PARP16: variants seen among roughly 807,000 people sequenced by gnomAD.
PARP16 encodes the protein protein mono-ADP-ribosyltransferase PARP16.
In PARP16, 31 loss-of-function variants were observed where a neutral mutation model predicts 35.0. That is an observed-to-expected ratio of 0.88 (90% CI 0.66 to 1.19). PARP16 has a LOEUF of 1.19. Ranked by LOEUF, PARP16 falls within the 50% of genes most tolerant of loss-of-function variation. PARP16 has a pLI of 0.00. For synonymous variants in PARP16, 162 were observed against 169.5 expected (o/e 0.96, Z 0.34); for missense variants, 424 against 411.2 (o/e 1.03, Z -0.27).
At chr15:65,275,193 C>T (rs906577071) in intron 1 of PARP16, among the ~76,000 whole-genome samples, 3 of 151,224 alleles carry the variant, frequency 2.0e-5, no homozygotes, top group Non-Finnish European at 4.4e-5. Context: ...ACTCCTGTTG[C>T]GTAGGGGCTA....
At chr15:65,285,144 T>C (rs1244034931) in intron 1 of PARP16, among the ~76,000 whole-genome samples, 2 of 151,288 alleles carry the variant, frequency 1.3e-5, no homozygotes, top group Non-Finnish European at 2.9e-5. Context: ...CTCCAGGTTT[T>C]TTTTTTTTTT....
intron 2 of PARP16, among the ~76,000 whole-genome samples, chr15:65,269,957 A>C (rs750812534): frequency 5.3e-5 from 8 of 152,176 alleles, no homozygotes; most frequent in Non-Finnish European, 8.8e-5. Context: ...GGAATTAGCC[A>C]CCCAGCCTGG....
At chr15:65,284,043 GC>G (rs1230285892) in intron 1 of PARP16, among the ~76,000 whole-genome samples, 1 of 152,168 alleles carries the variant, frequency 6.6e-6, no homozygotes, top group African/African-American at 2.4e-5. Context: ...AAGAGGCTCA[GC>G]CTTTGTCCCT....
intron 3 of PARP16, 69 bp downstream of exon 3, chr15:65,266,493 C>G (rs1299903900): frequency 1.5e-6 from 2 of 1,327,728 alleles, no homozygotes; most frequent in African/African-American, 1.4e-5. Flanking sequence ...GGTTCTGAAT[C>G]TCCCCCTCCC....
chr15:65,253,131 C>T (rs1428662299), downstream of PARP16, among the ~76,000 whole-genome samples: 9 of 139,660 alleles, frequency 6.4e-5, no homozygotes, highest in Non-Finnish European at 1.1e-4. Context: ...GAAACTCCGT[C>T]TCAAAAAAAA....
intron 1 of PARP16, among the ~76,000 whole-genome samples, chr15:65,278,821 T>C (rs1201005016): frequency 6.6e-6 from 1 of 152,086 alleles, no homozygotes; most frequent in African/African-American, 2.4e-5. Flanking sequence ...TCACAGTTAC[T>C]AGATGTGGGT....
chr15:65,240,382 C>T (rs2089037188), intron 3 of PARP16, among the ~76,000 whole-genome samples: 2 of 145,552 alleles, frequency 1.4e-5, no homozygotes, highest in South Asian at 4.3e-4. Context: ...CAGGCGTGAG[C>T]CACAACGCCC....
downstream of PARP16, among the ~76,000 whole-genome samples, chr15:65,257,411 G>A (rs143191239): frequency 5.3e-4 from 80 of 151,260 alleles, no homozygotes; most frequent in African/African-American, 1.9e-3. Context: ...TCTAGCCTAG[G>A]TGACAGAGCG....
At chr15:65,262,414 G>A (rs1265949681) in intron 4 of PARP16, among the ~76,000 whole-genome samples, 1 of 152,174 alleles carries the variant, frequency 6.6e-6, no homozygotes, top group Non-Finnish European at 1.5e-5. Context: ...TTACAGGCGT[G>A]AGCCATACCG....
chr15:65,274,437 C>T (rs1401187874), intron 1 of PARP16, among the ~76,000 whole-genome samples: 3 of 151,910 alleles, frequency 2.0e-5, no homozygotes, highest in East Asian at 1.9e-4. Context: ...ATTATCCAGG[C>T]GTGGTGGTGT....
chr15:65,286,503 G>C lies in PARP16; in HGVS notation c.-77C>G. On this transcript the variant is annotated 5_prime_UTR_variant, in exon 1 of 6. Transcript: ENST00000649807. ...GAGCGTGCGTTCAGCGCGGGGGCTG[G>C]GCCCGCGGACAATGGGCCGTCAGGG... 8.4e-7 allele frequency: 1 copy of C among 1,191,940 alleles called. No individual in the cohort carries two copies. The highest frequency in any genetic ancestry group is 1.1e-6 in the Non-Finnish European group (1 of 902,528). The allele number at this position is 1,191,940 out of a possible 1,614,324, so 73.8% of individuals were successfully genotyped here. A position where few individuals can be genotyped will look rare whatever the true frequency, so the allele number is the denominator to read the frequency against.
intron 5 of PARP16, among the ~76,000 whole-genome samples, chr15:65,260,477 A>G (rs1278358109): frequency 6.6e-6 from 1 of 152,234 alleles, no homozygotes; most frequent in African/African-American, 2.4e-5. Context: ...TCAGTGGTTC[A>G]GCAGCCACTG....
At chr15:65,257,783 A>G (rs2089561133), downstream of PARP16, among the ~76,000 whole-genome samples, 1 of 152,148 alleles carries the variant, frequency 6.6e-6, no homozygotes, top group Non-Finnish European at 1.5e-5. Flanking sequence ...AAACTTTATA[A>G]TACCATAAAC....
intron 2 of PARP16, among the ~76,000 whole-genome samples, chr15:65,250,001 T>C (rs1417755602): frequency 6.6e-6 from 1 of 152,068 alleles, no homozygotes; most frequent in Admixed American, 6.6e-5. Flanking sequence ...GGGAACTCGT[T>C]TTCTATTCAC....
intron 3 of PARP16, among the ~76,000 whole-genome samples, chr15:65,240,328 GTGTGTGT>G (rs2089032854): frequency 7.4e-6 from 1 of 135,740 alleles, no homozygotes; most frequent in Non-Finnish European, 1.6e-5. Flanking sequence ...GGGCTAGTGT[GTGTGTGT>G]GTGTGTGTGT....
chr15:65,284,627 A>G (rs1261149107), intron 1 of PARP16, among the ~76,000 whole-genome samples: 5 of 151,518 alleles, frequency 3.3e-5, no homozygotes, highest in Non-Finnish European at 7.4e-5. Flanking sequence ...CACTCGGCCT[A>G]TAATTTTCTT....
chr15:65,268,349 G>A (rs1342462045), intron 2 of PARP16, among the ~76,000 whole-genome samples: 1 of 152,108 alleles, frequency 6.6e-6, no homozygotes. Flanking sequence ...CATCCCAGCT[G>A]AAGCCCCAGA....
intron 2 of PARP16, among the ~76,000 whole-genome samples, chr15:65,248,750 C>T (rs2089280941): frequency 6.6e-6 from 1 of 152,144 alleles, no homozygotes; most frequent in African/African-American, 2.4e-5. Context: ...AGAGGGGGTT[C>T]CTAGAATTCC....
At chr15:65,283,948 T>G (rs989162286) in intron 1 of PARP16, among the ~76,000 whole-genome samples, 1 of 152,168 alleles carries the variant, frequency 6.6e-6, no homozygotes, top group Non-Finnish European at 1.5e-5. Context: ...CCACTTCCGG[T>G]ACCCTGAAAC....
Sources: gnomAD v4.1 joint callset for allele counts (sites outside exome capture counted in the v4.1 genomes callset) on GRCh38, gnomAD v4.1.1 for gene constraint, MANE v1.5 for transcripts, NCBI Gene and HGNC (gene_info 2026-07-23, HGNC 2026-07-21) for gene names.